TANK: variants seen among roughly 807,000 people sequenced by gnomAD.
The protein encoded by TANK is TRAF family member-associated NF-kappa-B activator.
TANK carries 15 observed loss-of-function variants against 43.6 expected under a neutral mutation model. The observed-to-expected ratio is 0.34, with a 90% CI of 0.23 to 0.53. The LOEUF (loss-of-function observed/expected upper bound fraction) is 0.53, where lower values mean the gene tolerates loss of function less well. Among genes scored for constraint, TANK ranks in the 20% least tolerant of loss-of-function variants. TANK has a pLI of 0.94. For synonymous variants in TANK, 162 were observed against 178.2 expected (o/e 0.91, Z 0.73); for missense variants, 417 against 498.6 (o/e 0.84, Z 1.56).
At chr2:161,175,325 A>G (rs1438109033) in intron 1 of TANK, among the ~76,000 whole-genome samples, 1 of 152,178 alleles carries the variant, frequency 6.6e-6, no homozygotes, top group East Asian at 1.9e-4. Flanking sequence ...TAAAGATTTA[A>G]TCTAGTTCAT....
At chr2:161,203,153 A>G (rs1312080143) in intron 2 of TANK, among the ~76,000 whole-genome samples, 1 of 151,974 alleles carries the variant, frequency 6.6e-6, no homozygotes, top group Non-Finnish European at 1.5e-5. Context: ...CATCTGTTGT[A>G]TCATTTGTGC....
At chr2:161,150,211 G>T (rs1036710783) in intron 1 of TANK, among the ~76,000 whole-genome samples, 1 of 152,086 alleles carries the variant, frequency 6.6e-6, no homozygotes, top group East Asian at 1.9e-4. Flanking sequence ...AGTAGTCTAT[G>T]TGTTTTTAGG....
intron 2 of TANK, among the ~76,000 whole-genome samples, chr2:161,185,224 A>T (rs1685603263): frequency 6.6e-6 from 1 of 152,212 alleles, no homozygotes; most frequent in African/African-American, 2.4e-5. Flanking sequence ...ATTAGAAAAG[A>T]GCTTCAAGAA....
chr2:161,218,420 T>A (rs1467952601), intron 4 of TANK, among the ~76,000 whole-genome samples: 2 of 152,234 alleles, frequency 1.3e-5, no homozygotes, highest in Non-Finnish European at 2.9e-5. Flanking sequence ...TTAAAGCTAC[T>A]GGGGCAAAAA....
intron 1 of TANK, among the ~76,000 whole-genome samples, chr2:161,145,789 G>T (rs867169612): frequency 1.3e-5 from 2 of 151,964 alleles, no homozygotes; most frequent in Middle Eastern, 6.8e-3. Context: ...AGAATCTGAT[G>T]ATTATGTGTC....
At chr2:161,173,609 CA>C (rs1685050702) in intron 1 of TANK, among the ~76,000 whole-genome samples, 1 of 151,522 alleles carries the variant, frequency 6.6e-6, no homozygotes, top group Admixed American at 6.6e-5. Flanking sequence ...CTGTGCTACA[CA>C]GACCTCTGTG....
upstream of TANK, chr2:161,156,188 G>A (rs1053693515): frequency 2.0e-6 from 2 of 985,042 alleles, no homozygotes; most frequent in Non-Finnish European, 1.2e-6. Context: ...TTCCTTTAAT[G>A]GTTGTCACCT....
intron 2 of TANK, chr2:161,200,304 T>C: frequency 1.0e-6 from 1 of 972,576 alleles, no homozygotes; most frequent in African/African-American, 1.8e-5. Flanking sequence ...TGTAATTGTA[T>C]TTTAAAAAAA....
upstream of TANK, among the ~76,000 whole-genome samples, chr2:161,157,413 G>C (rs1684256190): frequency 6.6e-6 from 1 of 152,160 alleles, no homozygotes; most frequent in South Asian, 2.1e-4. Context: ...CTGGTTGTCA[G>C]TCTGCCTTCC....
chr2:161,235,615 T>A lies in TANK; in HGVS notation c.*97T>A. On this transcript the variant is annotated 3_prime_UTR_variant, in exon 8 of 8. Coordinates refer to ENST00000392749, the MANE Select transcript of TANK (RefSeq NM_001199135.3). ...TGTAAACTAAATTCAAGATCATTTA[T>A]AGGAAAATCTAGTTTCACAGCTATT... is the stretch of plus-strand genomic sequence containing the variant. 1.0e-6 allele frequency: 1 copy of A among 999,728 alleles called. No homozygotes were observed. The highest frequency in any genetic ancestry group is 1.4e-6 in the Non-Finnish European group (1 of 727,664). 61.9% of individuals were successfully genotyped at this position (999,728 alleles called of 1,614,324 possible).
chr2:161,160,969 T>A, intron 1 of TANK: 1 of 436,376 alleles, frequency 2.3e-6, no homozygotes, highest in South Asian at 2.2e-5. Context: ...AATTCCCCTC[T>A]GCCTTCCTGT....
intron 4 of TANK, among the ~76,000 whole-genome samples, chr2:161,222,501 G>A (rs1203728043): frequency 6.6e-6 from 1 of 152,012 alleles, no homozygotes; most frequent in East Asian, 1.9e-4. Flanking sequence ...TGTTCTGACT[G>A]GCTGGCTAGC....
chr2:161,140,893 C>G (rs1198857807), intron 1 of TANK, among the ~76,000 whole-genome samples: 1 of 151,906 alleles, frequency 6.6e-6, no homozygotes, highest in East Asian at 1.9e-4. Context: ...GCAGAGAATT[C>G]ACATATACCA....
chr2:161,179,089 C>T (rs1473269234), intron 1 of TANK, among the ~76,000 whole-genome samples: 2 of 152,138 alleles, frequency 1.3e-5, no homozygotes, highest in South Asian at 4.1e-4. Flanking sequence ...AACAGTGGCT[C>T]TCCCTAGATT....
chr2:161,235,473 G>A lies in TANK; in HGVS notation c.1233G>A (p.Gly411=), dbSNP rs1688135673. The A allele has an allele frequency of 6.2e-7, 1 of 1,613,220 alleles. No homozygotes were observed. Among genetic ancestry groups the A allele is most frequent in the African/African-American group, 1.3e-5 (1 of 74,768 alleles). ...AVFPPSITSR[G]DFLRHLNSHF... The stretch of plus-strand genomic sequence containing the variant: ...TCCCACCATCCATTACATCCAGGGG[G>A]GATTTCCTTCGGCATCTTAATTCAC... Residue 411 remains glycine (G), a synonymous_variant, in exon 8 of 8, where the codon GGG becomes GGA. Coordinates refer to ENST00000392749, the MANE Select transcript of TANK (RefSeq NM_001199135.3).
chr2:161,165,607 C>A (rs1222738975), intron 1 of TANK, among the ~76,000 whole-genome samples: 1 of 152,018 alleles, frequency 6.6e-6, no homozygotes, highest in Non-Finnish European at 1.5e-5. Flanking sequence ...AATACATGTT[C>A]CTTCCCATAC....
At chr2:161,168,454 A>G (rs796115559) in intron 1 of TANK, among the ~76,000 whole-genome samples, 18 of 152,322 alleles carry the variant, frequency 1.2e-4, no homozygotes, top group African/African-American at 4.1e-4. Context: ...TTGCTATGAT[A>G]TAGTCCATGG....
chr2:161,175,965 A>G (rs994081568), intron 1 of TANK, among the ~76,000 whole-genome samples: 23 of 152,158 alleles, frequency 1.5e-4, no homozygotes, highest in African/African-American at 5.3e-4. Context: ...TTTCTCATGT[A>G]ATGGAAGGAA....
At chr2:161,213,267 C>G (rs1686971439) in intron 4 of TANK, among the ~76,000 whole-genome samples, 1 of 152,124 alleles carries the variant, frequency 6.6e-6, no homozygotes. Flanking sequence ...CACCCACAAA[C>G]CATCTAGTTT....
Sources: allele counts gnomAD v4.1 joint callset (sites outside exome capture counted in the v4.1 genomes callset), GRCh38; gene constraint gnomAD v4.1.1; transcripts MANE v1.5; gene names NCBI Gene and HGNC (gene_info 2026-07-23, HGNC 2026-07-21).